The following CACNA1C variants were observed in gnomAD, a reference collection of about 807,000 sequenced individuals.
CACNA1C encodes the protein voltage-dependent L-type calcium channel subunit alpha-1C.
CACNA1C carries 30 observed loss-of-function variants against 229.0 expected under a neutral mutation model. The ratio of observed to expected loss-of-function variants is 0.13; its 90% CI spans 0.10 to 0.18. The LOEUF (loss-of-function observed/expected upper bound fraction) is 0.18, where lower values mean the gene tolerates loss of function less well. CACNA1C is among the 10% of genes least tolerant of loss of function. The probability of loss-of-function intolerance (pLI) is 1.00; values close to 1 mark genes in which losing one functional copy is unlikely to be tolerated. For missense variants in CACNA1C, 1,658 were observed against 2,845.0 expected (o/e 0.58, Z 9.49); for synonymous variants, 1,114 against 1,132.5 (o/e 0.98, Z 0.33).
At chr12:2,286,164 G>C (rs1376820164) in intron 3 of CACNA1C, among the ~76,000 whole-genome samples, 3 of 152,246 alleles carry the variant, frequency 2.0e-5, no homozygotes, top group Non-Finnish European at 2.9e-5. Flanking sequence ...TCTGTTTTCA[G>C]TTGTCCTTTT....
intron 3 of CACNA1C, among the ~76,000 whole-genome samples, chr12:2,175,712 T>C (rs2096625343): frequency 6.6e-6 from 1 of 152,176 alleles, no homozygotes; most frequent in South Asian, 2.1e-4. Context: ...GTCATTCCTT[T>C]TGCGTTGAGT....
intron 1 of CACNA1C, among the ~76,000 whole-genome samples, chr12:2,064,668 C>T (rs1314584701): frequency 3.3e-5 from 5 of 152,106 alleles, no homozygotes; most frequent in Non-Finnish European, 4.4e-5. Flanking sequence ...GAGAGGGAAG[C>T]GAGCAGTGGG....
At chr12:2,052,967 G>C, upstream of CACNA1C, 3 of 980,558 alleles carry the variant, frequency 3.1e-6, no homozygotes, top group Non-Finnish European at 3.6e-6. Flanking sequence ...GAGTGAGCGC[G>C]GCGCTCTCGC....
intron 3 of CACNA1C, among the ~76,000 whole-genome samples, chr12:2,289,088 T>G (rs1380111953): frequency 6.6e-6 from 1 of 152,182 alleles, no homozygotes; most frequent in African/African-American, 2.4e-5. Flanking sequence ...GCATCCCATA[T>G]GGGGAAGATA....
rs2154490967 is a variant in CACNA1C, at chr12:2,315,991, G to T, written c.478-132985G>T. Among the ~76,000 whole-genome samples the T allele has an allele frequency of 2.0e-5, 3 of 152,324 alleles. 1 individual carries two copies. The Middle Eastern group carries it at 0.01, about 518-fold the overall frequency. ...ATTCCAGTTCCTTGTGTATAAAGGTGCTCCTGACCTCTTTGGCCCCAACTC... is the reference window on the plus strand; with the variant it reads ...ATTCCAGTTCCTTGTGTATAAAGGTTCTCCTGACCTCTTTGGCCCCAACTC... On this transcript the variant is annotated intron_variant, in intron 3 of 46. Transcript: ENST00000399655.
chr12:2,490,314 C>A (rs1297127646), intron 6 of CACNA1C, among the ~76,000 whole-genome samples: 1 of 152,212 alleles, frequency 6.6e-6, no homozygotes. Flanking sequence ...GCAGCCTTCT[C>A]CTCTTCCCTG....
At chr12:1,985,075 G>T (rs977370542) in intron 1 of CACNA1C, among the ~76,000 whole-genome samples, 12 of 151,248 alleles carry the variant, frequency 7.9e-5, no homozygotes, top group African/African-American at 2.7e-4. Flanking sequence ...CAGTTTGATT[G>T]TGACTGTCAT....
intron 3 of CACNA1C, among the ~76,000 whole-genome samples, chr12:2,197,823 T>C (rs190253605): frequency 4.9e-4 from 74 of 152,252 alleles, no homozygotes; most frequent in Non-Finnish European, 9.0e-4. Context: ...GAGGACCCTT[T>C]AATAGAACCA....
chr12:2,288,003 A>G (rs1408561032), intron 3 of CACNA1C: 1 of 151,392 alleles, frequency 6.6e-6, no homozygotes, highest in Non-Finnish European at 1.5e-5. Flanking sequence ...TCATCCAATA[A>G]CTATTCATTG....
At chr12:2,166,171 C>T (rs1175567364) in intron 3 of CACNA1C, among the ~76,000 whole-genome samples, 2 of 152,182 alleles carry the variant, frequency 1.3e-5, no homozygotes, top group Non-Finnish European at 2.9e-5. Flanking sequence ...ACCCAGCAAA[C>T]ATTCTGTGCT....
chr12:2,474,113 A>T (rs2099607989), intron 5 of CACNA1C, among the ~76,000 whole-genome samples: 1 of 152,242 alleles, frequency 6.6e-6, no homozygotes, highest in South Asian at 2.1e-4. Flanking sequence ...CTCTATAATG[A>T]GTACATCTCA....
intron 1 of CACNA1C, among the ~76,000 whole-genome samples, chr12:2,102,561 C>T (rs1419886265): frequency 6.6e-6 from 1 of 152,200 alleles, no homozygotes; most frequent in Non-Finnish European, 1.5e-5. Flanking sequence ...AGATGGCTGT[C>T]TGTCCTCAGG....
rs2099705138 is a variant in CACNA1C at position 2,488,395 on chromosome 12, AG to A, written c.916+2134del. Reference sequence around the variant, plus strand: ...GGGAGGGAGCCGTCCTGAAGGCCATAGCCGTAGGGCCCAGTGAAGAGGTCGC... The same window carrying A: ...GGGAGGGAGCCGTCCTGAAGGCCATACCGTAGGGCCCAGTGAAGAGGTCGC... On this transcript the variant is annotated intron_variant, in intron 6 of 46. Transcript: ENST00000399655. The surrounding 1 kb of genome is among the most constrained non-coding windows in gnomAD (Gnocchi z 4.0). Among the ~76,000 whole-genome samples the A allele has an allele frequency of 6.6e-6, 1 of 152,224 alleles. No individual in the cohort carries two copies. Among genetic ancestry groups the A allele is most frequent in the South Asian group, 2.1e-4 (1 of 4,830 alleles).
intron 28 of CACNA1C, among the ~76,000 whole-genome samples, chr12:2,611,592 G>A (rs1361099744): frequency 6.6e-6 from 1 of 150,488 alleles, no homozygotes; most frequent in African/African-American, 2.5e-5. Context: ...AGGGAGGTGG[G>A]TTCTGCATCC....
At chr12:2,116,186 ACT>A (rs2083764508) in intron 2 of CACNA1C, among the ~76,000 whole-genome samples, 1 of 152,068 alleles carries the variant, frequency 6.6e-6, no homozygotes, top group East Asian at 1.9e-4. Context: ...ACAACGGAAA[ACT>A]CTCTGGGTAA....
chr12:2,666,461 G>C lies in CACNA1C; in HGVS notation c.4527-225G>C, dbSNP rs2096114042. 6.6e-6 allele frequency among the ~76,000 whole-genome samples: 1 copy of C among 152,156 alleles called. No individual in the cohort carries two copies. Among genetic ancestry groups the C allele is most frequent in the Non-Finnish European group, 1.5e-5 (1 of 68,022 alleles). On this transcript the variant is annotated intron_variant, in intron 36 of 46. Coordinates refer to ENST00000399655, the MANE Select transcript of CACNA1C (RefSeq NM_000719.7). This position sits in a 1 kb window ranked among gnomAD's most constrained non-coding sequence, Gnocchi z 5.3. Reference sequence around the variant, plus strand: ...ATCCCTTCCACCTTGAACATAGCATGGGCAGAAAATGATTCATTAAAATCT... The same window carrying C: ...ATCCCTTCCACCTTGAACATAGCATCGGCAGAAAATGATTCATTAAAATCT...
At chr12:2,190,857 C>T (rs529504178) in intron 3 of CACNA1C, among the ~76,000 whole-genome samples, 22 of 152,318 alleles carry the variant, frequency 1.4e-4, no homozygotes, top group Admixed American at 4.6e-4. Context: ...CTGTGCCATC[C>T]TCTCAGGCCT....
Position 2,504,673 on chromosome 12 carries a change from A to G in CACNA1C, c.1114-169A>G. 1 of 763,282 alleles carries G rather than the reference A, an allele frequency of 1.3e-6. No homozygotes were observed. Among genetic ancestry groups the G allele is most frequent in the Non-Finnish European group, 2.3e-6 (1 of 430,294 alleles). The allele number at this position is 763,282 out of a possible 1,614,324, so 47.3% of individuals were successfully genotyped here. On this transcript the variant is annotated intron_variant, in intron 7 of 46. Coordinates refer to ENST00000399655, the MANE Select transcript of CACNA1C (RefSeq NM_000719.7). The surrounding 1 kb of genome is among the most constrained non-coding windows in gnomAD (Gnocchi z 6.8). ...AAAACCACAACAAAGCCTCTGTTCA[A>G]CCACAGATTCTGACCCATTGGCCAG...
chr12:2,450,577 A>AAC (rs2099360163), intron 4 of CACNA1C, among the ~76,000 whole-genome samples: 2 of 150,574 alleles, frequency 1.3e-5, no homozygotes, highest in African/African-American at 2.5e-5. Flanking sequence ...AAAAAAAAAA[A>AAC]ACGCAGGTGA....
Sources: allele counts gnomAD v4.1 joint callset (sites outside exome capture counted in the v4.1 genomes callset), GRCh38; gene constraint gnomAD v4.1.1; non-coding constraint Gnocchi (gnomAD v3.1); transcripts MANE v1.5; gene names NCBI Gene and HGNC (gene_info 2026-07-23, HGNC 2026-07-21).